NFE2L3: variants seen among roughly 807,000 people sequenced by gnomAD.
NFE2L3 encodes the protein NFE2 like bZIP transcription factor 3.
In NFE2L3, 18 loss-of-function variants were observed where a neutral mutation model predicts 23.5. The ratio of observed to expected loss-of-function variants is 0.77; its 90% CI spans 0.53 to 1.13. The LOEUF (loss-of-function observed/expected upper bound fraction) is 1.13. NFE2L3 is among the 50% of genes most tolerant of loss of function. The probability of loss-of-function intolerance (pLI) is 0.00; values close to 1 mark genes in which losing one functional copy is unlikely to be tolerated. For synonymous variants in NFE2L3, 424 were observed against 354.5 expected (o/e 1.20, Z -2.20); for missense variants, 1,152 against 877.2 (o/e 1.31, Z -3.96).
At chr7:26,168,180 A>G (rs1308975515) in intron 1 of NFE2L3, among the ~76,000 whole-genome samples, 1 of 150,330 alleles carries the variant, frequency 6.7e-6, no homozygotes. Context: ...TCTGTCACCC[A>G]GACTGGAGTG....
chr7:26,161,768 G>GT (rs1784176995), intron 1 of NFE2L3, among the ~76,000 whole-genome samples: 1 of 151,960 alleles, frequency 6.6e-6, no homozygotes, highest in Non-Finnish European at 1.5e-5. Context: ...CTGGATGGGG[G>GT]TGGAGGTAGG....
rs913727504 is a variant in NFE2L3 at position 26,185,763 on chromosome 7, C to G, written c.2065C>G (p.Gln689Glu). The G allele has an allele frequency of 6.3e-7, 1 of 1,581,950 alleles. No homozygotes were observed. Among genetic ancestry groups the G allele is most frequent in the Non-Finnish European group, 8.5e-7 (1 of 1,171,940 alleles). ...GGCCTCAGGCCACAAAAAGGAAACC[C>G]AAAAGGGAAAGAGAAAGTGAGAAGA... ...LVASGHKKETQKGKRK is the reference protein window; with the variant it reads ...LVASGHKKETEKGKRK Residue 689 changes from glutamine to glutamate, a missense_variant, in exon 4 of 4, where the codon CAA becomes GAA. Coordinates refer to ENST00000056233, the MANE Select transcript of NFE2L3 (RefSeq NM_004289.7).
At chr7:26,167,529 CTTT>C (rs35736109) in intron 1 of NFE2L3, among the ~76,000 whole-genome samples, 2 of 147,584 alleles carry the variant, frequency 1.4e-5, no homozygotes, top group African/African-American at 2.5e-5. Context: ...TGAAAATGTA[CTTT>C]TTTTTTTTAA....
At chr7:26,172,768 C>T (rs190446932) in intron 1 of NFE2L3, among the ~76,000 whole-genome samples, 1 of 152,130 alleles carries the variant, frequency 6.6e-6, no homozygotes, top group African/African-American at 2.4e-5. Context: ...ATCAGGAGAC[C>T]ACGATGTTGG....
In NFE2L3 at chr7:26,183,962, C is replaced by T. The variant is rs147673799; in HGVS notation, c.834+178C>T. 7.1e-4 allele frequency: 385 copies of T among 544,392 alleles called. 1 individual carries two copies. Among genetic ancestry groups the T allele is most frequent in the African/African-American group, 6.9e-3 (356 of 51,802 alleles). The allele number at this position is 544,392 out of a possible 1,614,324, so 33.7% of individuals were successfully genotyped here. On this transcript the variant is annotated intron_variant, in intron 3 of 3. Coordinates refer to ENST00000056233, the MANE Select transcript of NFE2L3 (RefSeq NM_004289.7). Reference sequence around the variant, plus strand: ...TAGCATTCCTCTTTCCAAATAATCCCAAAGGTATAATCAAATTTAGACTAG... The same window carrying T: ...TAGCATTCCTCTTTCCAAATAATCCTAAAGGTATAATCAAATTTAGACTAG...
At chr7:26,176,799 T>C (rs111436148) in intron 1 of NFE2L3, among the ~76,000 whole-genome samples, 1 of 69,572 alleles carries the variant, frequency 1.4e-5, no homozygotes. Flanking sequence ...CGCTCCTCAC[T>C]TCCCAGACGG....
chr7:26,179,441 A>T (rs970917782), intron 2 of NFE2L3, among the ~76,000 whole-genome samples: 4 of 151,762 alleles, frequency 2.6e-5, no homozygotes, highest in Non-Finnish European at 5.9e-5. Context: ...TCGAGGCTGC[A>T]GTGAGCTGTG....
intron 1 of NFE2L3, among the ~76,000 whole-genome samples, chr7:26,159,856 C>T (rs1784141002): frequency 6.6e-6 from 1 of 151,986 alleles, no homozygotes; most frequent in South Asian, 2.1e-4. Context: ...ACCATACCTT[C>T]TGCTCACTAT....
chr7:26,170,588 A>G (rs1190791376), intron 1 of NFE2L3, among the ~76,000 whole-genome samples: 1 of 152,236 alleles, frequency 6.6e-6, no homozygotes, highest in Non-Finnish European at 1.5e-5. Flanking sequence ...ATCCCATGAA[A>G]TAAGTTTAAA....
At chr7:26,177,463 G>A (rs58876328) in intron 1 of NFE2L3, among the ~76,000 whole-genome samples, 1,860 of 152,260 alleles carry the variant, frequency 0.012, 33 homozygotes, top group African/African-American at 0.042. Context: ...CAGGCATGGC[G>A]GCGCGTCCCT....
In NFE2L3 at chr7:26,163,643, G is replaced by A. The variant is rs572462625; in HGVS notation, c.570+10575G>A. 3.3e-5 allele frequency among the ~76,000 whole-genome samples: 5 copies of A among 152,190 alleles called. No homozygotes were observed. In the South Asian group the frequency reaches 6.2e-4, roughly 19 times the overall value. On this transcript the variant is annotated intron_variant, in intron 1 of 3. Transcript: ENST00000056233. Reference sequence around the variant, plus strand: ...ATTACAGGCGTGAGCTACCACACGTGGCCAGGATTCTTTATTTATTTATTT... The same window carrying A: ...ATTACAGGCGTGAGCTACCACACGTAGCCAGGATTCTTTATTTATTTATTT...
At chr7:26,184,060 T>C (rs1010129347) in intron 3 of NFE2L3, 17 of 459,232 alleles carry the variant, frequency 3.7e-5, no homozygotes, top group Admixed American at 3.9e-5. Flanking sequence ...GGAAAGGAAA[T>C]CAGTGTATCA....
intron 2 of NFE2L3, among the ~76,000 whole-genome samples, chr7:26,180,006 C>G (rs1784478152): frequency 6.6e-6 from 1 of 152,126 alleles, no homozygotes; most frequent in African/African-American, 2.4e-5. Flanking sequence ...CTGAATGTTC[C>G]GTGGTATACA....
At chr7:26,183,658 C>A (rs367936079) in intron 2 of NFE2L3, 43 bp from the exon 3 acceptor site, 278 of 1,230,318 alleles carry the variant, frequency 2.3e-4, no homozygotes, top group Non-Finnish European at 3.1e-4. Context: ...CCAACCAGTT[C>A]AGTCTTTTAT....
chr7:26,176,450 C>T (rs868207164), intron 1 of NFE2L3, among the ~76,000 whole-genome samples: 87 of 151,798 alleles, frequency 5.7e-4, no homozygotes, highest in Non-Finnish European at 1.1e-3. Flanking sequence ...CAGGCAGAGG[C>T]GCTCCTCACT....
At chr7:26,179,304 C>T (rs1784466077) in intron 2 of NFE2L3, among the ~76,000 whole-genome samples, 1 of 152,126 alleles carries the variant, frequency 6.6e-6, no homozygotes, top group South Asian at 2.1e-4. Flanking sequence ...AGTTGGAGAT[C>T]AGCCTGGGCA....
chr7:26,182,205 C>CATTATAA (rs1254031595), intron 2 of NFE2L3, among the ~76,000 whole-genome samples: 1 of 152,078 alleles, frequency 6.6e-6, no homozygotes, highest in African/African-American at 2.4e-5. Context: ...AGAAAAGTTT[C>CATTATAA]ATTATAAATA....
At chr7:26,183,827 C>T (rs1562679259) in intron 3 of NFE2L3, 43 bp downstream of exon 3, 2 of 1,258,192 alleles carry the variant, frequency 1.6e-6, no homozygotes, top group Non-Finnish European at 2.3e-6. Context: ...AACATATCTG[C>T]ACTGACCTTT....
At chr7:26,180,342 C>T (rs1277103699) in intron 2 of NFE2L3, among the ~76,000 whole-genome samples, 1 of 152,198 alleles carries the variant, frequency 6.6e-6, no homozygotes, top group Non-Finnish European at 1.5e-5. Context: ...CAATTGCAAC[C>T]TGGCATTTGG....
Sources: allele counts gnomAD v4.1 joint callset (sites outside exome capture counted in the v4.1 genomes callset), GRCh38; gene constraint gnomAD v4.1.1; transcripts MANE v1.5; gene names NCBI Gene and HGNC (gene_info 2026-07-23, HGNC 2026-07-21).